Variants in FRMD5 observed in about 807,000 individuals in gnomAD.
The protein encoded by FRMD5 is FERM domain containing 5.
In FRMD5, 20 loss-of-function variants were observed where a neutral mutation model predicts 69.0. That is an observed-to-expected ratio of 0.29 (90% CI 0.20 to 0.42). The LOEUF (loss-of-function observed/expected upper bound fraction) is 0.42, where lower values mean the gene tolerates loss of function less well. Among genes scored for constraint, FRMD5 ranks in the 10% least tolerant of loss-of-function variants. The probability of loss-of-function intolerance (pLI) is 1.00; values close to 1 mark genes in which losing one functional copy is unlikely to be tolerated. For missense variants in FRMD5, 595 were observed against 708.6 expected (o/e 0.84, Z 1.82); for synonymous variants, 271 against 260.1 (o/e 1.04, Z -0.40).
intron 7 of FRMD5, among the ~76,000 whole-genome samples, chr15:43,900,839 G>T (rs1305233448): frequency 6.6e-6 from 1 of 152,030 alleles, no homozygotes; most frequent in East Asian, 1.9e-4. Flanking sequence ...GGATGGTCTT[G>T]AACTCCTGAC....
intron 1 of FRMD5, among the ~76,000 whole-genome samples, chr15:44,091,566 G>T (rs1018260296): frequency 6.6e-6 from 1 of 152,028 alleles, no homozygotes; most frequent in African/African-American, 2.4e-5. Flanking sequence ...ATAAATCACA[G>T]CACATTAATG....
At chr15:44,132,622 T>C (rs1397427876) in intron 1 of FRMD5, among the ~76,000 whole-genome samples, 1 of 151,954 alleles carries the variant, frequency 6.6e-6, no homozygotes, top group Admixed American at 6.6e-5. Flanking sequence ...AGAGACAGGG[T>C]TTTGCTACAT....
chr15:44,151,858 T>C (rs2077452346), intron 1 of FRMD5, among the ~76,000 whole-genome samples: 1 of 152,242 alleles, frequency 6.6e-6, no homozygotes, highest in Non-Finnish European at 1.5e-5. Context: ...AAGCGATTAA[T>C]GTCCGGAATA....
intron 1 of FRMD5, among the ~76,000 whole-genome samples, chr15:44,090,132 A>C (rs1193029117): frequency 6.6e-6 from 1 of 152,170 alleles, no homozygotes; most frequent in Non-Finnish European, 1.5e-5. Flanking sequence ...GTTGAGGCCA[A>C]GAATCTGAAA....
chr15:43,940,367 A>G (rs894972583), intron 1 of FRMD5, among the ~76,000 whole-genome samples: 3 of 152,214 alleles, frequency 2.0e-5, no homozygotes, highest in African/African-American at 7.2e-5. Flanking sequence ...TCTAGAGATG[A>G]GAAATGATAG....
chr15:44,168,216 T>C (rs2077741776), intron 1 of FRMD5, among the ~76,000 whole-genome samples: 2 of 152,188 alleles, frequency 1.3e-5, no homozygotes, highest in Admixed American at 6.5e-5. Flanking sequence ...GACCACCGCA[T>C]AGTTTATGTG....
At chr15:44,135,836 A>C (rs967775137) in intron 1 of FRMD5, among the ~76,000 whole-genome samples, 1 of 151,602 alleles carries the variant, frequency 6.6e-6, no homozygotes, top group African/African-American at 2.4e-5. Context: ...AAAAAAAAAA[A>C]AAAAAAACTA....
intron 1 of FRMD5, among the ~76,000 whole-genome samples, chr15:44,081,957 T>C (rs1894014609): frequency 6.6e-6 from 1 of 151,988 alleles, no homozygotes; most frequent in Non-Finnish European, 1.5e-5. Flanking sequence ...CTAAGGCCTT[T>C]CATGATCCAA....
intron 1 of FRMD5, among the ~76,000 whole-genome samples, chr15:43,985,697 C>T (rs1003106956): frequency 1.3e-5 from 2 of 152,160 alleles, no homozygotes; most frequent in Non-Finnish European, 2.9e-5. Flanking sequence ...TAAGTATTCA[C>T]ATTAATGAAT....
chr15:44,146,017 T>C (rs2077350035), intron 1 of FRMD5, among the ~76,000 whole-genome samples: 1 of 152,198 alleles, frequency 6.6e-6, no homozygotes, highest in Admixed American at 6.5e-5. Flanking sequence ...ACTTTTTAGT[T>C]CCAGGATACA....
At chr15:44,110,090 C>A (rs912927334) in intron 1 of FRMD5, among the ~76,000 whole-genome samples, 2 of 152,070 alleles carry the variant, frequency 1.3e-5, no homozygotes, top group Non-Finnish European at 2.9e-5. Context: ...TATTTATTCA[C>A]CTTCTTGTAA....
At chr15:43,875,196 C>T (rs1033400250) in intron 13 of FRMD5, among the ~76,000 whole-genome samples, 3 of 151,706 alleles carry the variant, frequency 2.0e-5, no homozygotes, top group Non-Finnish European at 2.9e-5. Flanking sequence ...GACTCTGCCT[C>T]GGGGCGAGGA....
chr15:44,054,529 T>A (rs1482114845), intron 1 of FRMD5, among the ~76,000 whole-genome samples: 2 of 152,192 alleles, frequency 1.3e-5, no homozygotes, highest in Non-Finnish European at 2.9e-5. Context: ...CAGCTTGTAA[T>A]CATCAACTGA....
intron 13 of FRMD5, among the ~76,000 whole-genome samples, chr15:43,880,984 C>A (rs2088511359): frequency 1.3e-5 from 2 of 152,178 alleles, no homozygotes; most frequent in Non-Finnish European, 2.9e-5. Context: ...GACTGTTTTC[C>A]CCGCCTCTGA....
chr15:44,096,206 CAAAAAAA>C (rs1213347011), intron 1 of FRMD5, among the ~76,000 whole-genome samples: 12 of 47,902 alleles, frequency 2.5e-4, no homozygotes, highest in Admixed American at 5.3e-4. Flanking sequence ...AACTCCATCT[CAAAAAAA>C]AAAAAAAAAA....
chr15:44,033,254 G>A (rs1044960740), intron 1 of FRMD5, among the ~76,000 whole-genome samples: 1 of 152,090 alleles, frequency 6.6e-6, no homozygotes, highest in Non-Finnish European at 1.5e-5. Flanking sequence ...GGGAGGATGC[G>A]AGGAGAGAAA....
rs563677018 is a variant in FRMD5 at position 44,011,251 on chromosome 15, A to G, written c.103-86942T>C. Among the ~76,000 whole-genome samples the G allele has an allele frequency of 4.5e-4, 55 of 121,348 alleles. 1 individual carries two copies. The South Asian group carries it at 0.015, about 32-fold the overall frequency. 79.6% of individuals were successfully genotyped at this position (121,348 alleles called of 152,430 possible). On this transcript the variant is annotated intron_variant, in intron 1 of 13. Transcript: ENST00000417257. ...CTTTACATCCTTAAAAGTTTTAAGT[A>G]GAGAACTGAAGACGATAAGAACTGC... is the stretch of plus-strand genomic sequence containing the variant.
At chr15:43,999,965 T>TAG (rs1890125774) in intron 1 of FRMD5, among the ~76,000 whole-genome samples, 1 of 75,422 alleles carries the variant, frequency 1.3e-5, no homozygotes, top group South Asian at 4.4e-4. Flanking sequence ...TATATATATA[T>TAG]ATATATATAT....
intron 1 of FRMD5, among the ~76,000 whole-genome samples, chr15:43,983,662 T>C (rs1465908686): frequency 6.6e-6 from 1 of 152,226 alleles, no homozygotes; most frequent in Non-Finnish European, 1.5e-5. Flanking sequence ...AGTCTAAATC[T>C]AGCCCTAAAC....
Sources: allele counts gnomAD v4.1 joint callset (sites outside exome capture counted in the v4.1 genomes callset), GRCh38; gene constraint gnomAD v4.1.1; transcripts MANE v1.5; gene names NCBI Gene and HGNC (gene_info 2026-07-23, HGNC 2026-07-21).